The following JMY variants were observed in gnomAD, a reference collection of about 807,000 sequenced individuals.
JMY encodes the protein junction-mediating and -regulatory protein.
A neutral mutation model predicts 103.3 loss-of-function variants in JMY; 46 were observed. The ratio of observed to expected loss-of-function variants is 0.45; its 90% CI spans 0.35 to 0.57. The LOEUF (loss-of-function observed/expected upper bound fraction) is 0.57. JMY is among the 20% of genes least tolerant of loss of function. The pLI is 0.00. For synonymous variants in JMY, 526 were observed against 489.3 expected, an observed-to-expected ratio of 1.07 and a Z score of -0.99; for missense variants, 1,238 against 1,255.2, an observed-to-expected ratio of 0.99 and a Z score of 0.21.
chr5:79,287,993 A>G (rs1299651571), intron 2 of JMY, among the ~76,000 whole-genome samples: 1 of 152,192 alleles, frequency 6.6e-6, no homozygotes, highest in African/African-American at 2.4e-5. Context: ...TTAAACCTGT[A>G]TGTTTTAAAT....
At chr5:79,238,863 C>T (rs1268502194) in intron 1 of JMY, among the ~76,000 whole-genome samples, 2 of 152,090 alleles carry the variant, frequency 1.3e-5, no homozygotes, top group African/African-American at 4.8e-5. Flanking sequence ...CGGGGTTTCA[C>T]CATCTTGGCC....
chr5:79,325,576 G>A lies in JMY; in HGVS notation c.*3974G>A, dbSNP rs1240220058. The A allele has an allele frequency of 3.3e-5, 5 of 152,134 alleles. No individual in the cohort carries two copies. The highest frequency in any genetic ancestry group is 7.4e-5 in the Non-Finnish European group (5 of 68,002). 9.4% of individuals were successfully genotyped at this position (152,134 alleles called of 1,614,324 possible). A position where few individuals can be genotyped will look rare whatever the true frequency, so the allele number is the denominator to read the frequency against. On this transcript the variant is annotated 3_prime_UTR_variant, in exon 11 of 11. Coordinates refer to ENST00000396137, the MANE Select transcript of JMY (RefSeq NM_152405.5). Reference sequence around the variant, plus strand: ...CTATGGTTAGAGGAGTGACCAGCAAGATTTATTTCAGATGGAAAAGGGGTG... The same window carrying A: ...CTATGGTTAGAGGAGTGACCAGCAAAATTTATTTCAGATGGAAAAGGGGTG...
chr5:79,278,129 T>C (rs1329597374), intron 2 of JMY, 46 bp downstream of exon 2: 6 of 1,491,636 alleles, frequency 4.0e-6, no homozygotes, highest in Non-Finnish European at 5.5e-6. Context: ...GTTTCATAGT[T>C]CTCAGCCTGA....
rs189783969 is a variant in JMY at position 79,237,587 on chromosome 5, A to G, written c.937A>G (p.Thr313Ala). The G allele has an allele frequency of 9.0e-5, 145 of 1,613,654 alleles. 1 individual carries two copies. The East Asian group carries it at 2.8e-3, about 31-fold the overall frequency. Residue 313 changes from threonine (T) to alanine (A), a missense_variant, in exon 1 of 11, where the codon ACC becomes GCC. Coordinates refer to ENST00000396137, the MANE Select transcript of JMY (RefSeq NM_152405.5). Reference protein sequence around the residue: ...KILSQVLFTETDDPEEYYESL... With the variant: ...KILSQVLFTEADDPEEYYESL... Reference sequence around the variant, plus strand: ...CCTCTCCCAGGTGCTCTTCACCGAGACCGATGATCCCGAGGAGTATTACGA... The same window carrying G: ...CCTCTCCCAGGTGCTCTTCACCGAGGCCGATGATCCCGAGGAGTATTACGA...
At chr5:79,266,287 A>G (rs996549530) in intron 1 of JMY, among the ~76,000 whole-genome samples, 1 of 152,208 alleles carries the variant, frequency 6.6e-6, no homozygotes, top group African/African-American at 2.4e-5. Context: ...TTGTGTCCCT[A>G]GTGTCTGGTA....
intron 1 of JMY, among the ~76,000 whole-genome samples, chr5:79,264,704 T>C (rs1348008617): frequency 6.6e-6 from 1 of 152,218 alleles, no homozygotes; most frequent in Non-Finnish European, 1.5e-5. Flanking sequence ...TTTGTCACTC[T>C]GTGCCTGCCT....
intron 1 of JMY, among the ~76,000 whole-genome samples, chr5:79,239,291 A>G (rs1744659868): frequency 6.6e-6 from 1 of 152,136 alleles, no homozygotes; most frequent in Non-Finnish European, 1.5e-5. Context: ...TCACTTCGGG[A>G]GTCTACCTTA....
rs1003285489 is a variant in JMY at position 79,322,616 on chromosome 5, A to T, written c.*1014A>T. On this transcript the variant is annotated 3_prime_UTR_variant, in exon 11 of 11. Coordinates refer to ENST00000396137, the MANE Select transcript of JMY (RefSeq NM_152405.5). ...GTGGCTGGCATTTCACCATCTTCAC[A>T]TGCACTGAATGGAATTTTGGGAGAA... 3 of 152,220 alleles carry T rather than the reference A, an allele frequency of 2.0e-5. No individual in the cohort carries two copies. The highest frequency in any genetic ancestry group is 7.2e-5 in the African/African-American group (3 of 41,464). The allele number at this position is 152,220 out of a possible 1,614,324, so 9.4% of individuals were successfully genotyped here. A position where few individuals can be genotyped will look rare whatever the true frequency, so the allele number is the denominator to read the frequency against.
At chr5:79,298,636 C>T (rs1746636706) in intron 4 of JMY, among the ~76,000 whole-genome samples, 1 of 152,218 alleles carries the variant, frequency 6.6e-6, no homozygotes, top group South Asian at 2.1e-4. Flanking sequence ...CACTCACAGT[C>T]TTACACTTAG....
intron 1 of JMY, among the ~76,000 whole-genome samples, chr5:79,240,615 A>G (rs932261680): frequency 2.0e-5 from 3 of 152,164 alleles, no homozygotes; most frequent in Non-Finnish European, 1.5e-5. Context: ...GGCAACTTCA[A>G]TATTTGAAAA....
intron 1 of JMY, among the ~76,000 whole-genome samples, chr5:79,258,244 AAG>A (rs1745306971): frequency 6.6e-6 from 1 of 152,152 alleles, no homozygotes; most frequent in African/African-American, 2.4e-5. Flanking sequence ...TTGAACTAAA[AAG>A]AAATAAAAAT....
At chr5:79,316,757 T>C (rs1397911593) in intron 10 of JMY, among the ~76,000 whole-genome samples, 1 of 151,674 alleles carries the variant, frequency 6.6e-6, no homozygotes, top group African/African-American at 2.4e-5. Flanking sequence ...AATATAAAAA[T>C]TAGCCGGGCG....
Position 79,288,480 on chromosome 5 carries a change from C to T in JMY, c.1207-1641C>T, listed in dbSNP as rs564849216. Among the ~76,000 whole-genome samples the T allele has an allele frequency of 2.2e-4, 33 of 152,256 alleles. No individual in the cohort carries two copies. In the East Asian group the frequency reaches 6.2e-3, roughly 28 times the overall value. On this transcript the variant is annotated intron_variant, in intron 2 of 10. Coordinates refer to ENST00000396137, the MANE Select transcript of JMY (RefSeq NM_152405.5). ...TCCCCACAATACCTTTTATTTTTCT[C>T]ATAGGTGTTTTACCCAGAGACACAC... is the stretch of plus-strand genomic sequence containing the variant.
At position 79,236,604 on chromosome 5, in the gene JMY, C is replaced by A. The variant is rs930360794; in HGVS notation, c.-47C>A. 1.5e-6 allele frequency: 2 copies of A among 1,322,588 alleles called. No individual in the cohort carries two copies. Among genetic ancestry groups the A allele is most frequent in the African/African-American group, 3.0e-5 (2 of 65,962 alleles). 81.9% of individuals were successfully genotyped at this position (1,322,588 alleles called of 1,614,324 possible). A position where few individuals can be genotyped will look rare whatever the true frequency, so the allele number is the denominator to read the frequency against. ...GCGCAGCCAGCGGGGAGTCCTCGGG[C>A]GGGCCGGGCCGGCGGCCCTTCCCCG... On this transcript the variant is annotated 5_prime_UTR_variant, in exon 1 of 11. Transcript: ENST00000396137.
chr5:79,252,429 T>C (rs1283002383), intron 1 of JMY, among the ~76,000 whole-genome samples: 1 of 151,600 alleles, frequency 6.6e-6, no homozygotes, highest in Non-Finnish European at 1.5e-5. Flanking sequence ...GAAAAGAACA[T>C]GTATTCTGTA....
At chr5:79,295,211 G>T (rs542765667) in intron 4 of JMY, among the ~76,000 whole-genome samples, 2 of 152,248 alleles carry the variant, frequency 1.3e-5, no homozygotes, top group Non-Finnish European at 2.9e-5. Flanking sequence ...TCTCCAGTAG[G>T]GTAGTTTTCA....
chr5:79,298,581 A>G (rs1004698558), intron 4 of JMY, among the ~76,000 whole-genome samples: 3 of 152,224 alleles, frequency 2.0e-5, no homozygotes, highest in Admixed American at 6.5e-5. Flanking sequence ...TTGGGGTTAT[A>G]TACGTTGTTT....
intron 2 of JMY, chr5:79,284,737 C>T (rs1746219900): frequency 1.3e-6 from 2 of 1,588,864 alleles, no homozygotes; most frequent in East Asian, 2.2e-5. Flanking sequence ...ACCCTTGAGA[C>T]CATCAGATGC....
chr5:79,287,187 G>A (rs893205470), intron 2 of JMY, among the ~76,000 whole-genome samples: 9 of 152,144 alleles, frequency 5.9e-5, no homozygotes, highest in African/African-American at 2.2e-4. Flanking sequence ...TGCCGATGCT[G>A]GGGTGAAATA....
Sources: gnomAD v4.1 joint callset for allele counts (sites outside exome capture counted in the v4.1 genomes callset) on GRCh38, gnomAD v4.1.1 for gene constraint, MANE v1.5 for transcripts, NCBI Gene and HGNC (gene_info 2026-07-23, HGNC 2026-07-21) for gene names.